SLC5A11: variants seen among roughly 807,000 people sequenced by gnomAD.
SLC5A11 encodes solute carrier family 5 member 11.
A neutral mutation model predicts 69.8 loss-of-function variants in SLC5A11; 48 were observed. The ratio of observed to expected loss-of-function variants is 0.69; its 90% CI spans 0.55 to 0.87. The LOEUF is 0.87. Among genes scored for constraint, SLC5A11 ranks in the 40% least tolerant of loss-of-function variants. The pLI is 0.00. For synonymous variants in SLC5A11, 319 were observed against 342.4 expected (o/e 0.93, Z 0.75); for missense variants, 784 against 866.1 (o/e 0.91, Z 1.19).
At chr16:24,858,724 G>T in exon 2 of SLC5A11, 1 of 1,611,896 alleles carries the variant, frequency 6.2e-7, no homozygotes, top group Non-Finnish European at 8.5e-7. Flanking sequence ...TGGAGCCTGG[G>T]GACATCGCGG....
chr16:24,858,859 T>C, intron 2 of SLC5A11, 81 bp downstream of exon 3: 1 of 1,484,830 alleles, frequency 6.7e-7, no homozygotes, highest in Non-Finnish European at 9.0e-7. Flanking sequence ...CTCATCCTTT[T>C]GGAGCTAAGA....
intron 1 of SLC5A11, among the ~76,000 whole-genome samples, chr16:24,847,765 CT>C (rs2059095162): frequency 6.6e-6 from 1 of 152,328 alleles, no homozygotes; most frequent in East Asian, 1.9e-4. Flanking sequence ...AATGCTGTCC[CT>C]TTTTTGGGCG....
chr16:24,871,833 G>C (rs1398917372), intron 4 of SLC5A11, among the ~76,000 whole-genome samples: 1 of 152,094 alleles, frequency 6.6e-6, no homozygotes, highest in Non-Finnish European at 1.5e-5. Flanking sequence ...TTTGAACCCA[G>C]ATCTGCCTGC....
chr16:24,852,449 C>T (rs1429472860), intron 1 of SLC5A11, among the ~76,000 whole-genome samples: 2 of 152,152 alleles, frequency 1.3e-5, no homozygotes, highest in South Asian at 2.1e-4. Flanking sequence ...GGCCAATAGG[C>T]GACCTCAAGG....
At chr16:24,852,238 G>A (rs1050674980) in intron 1 of SLC5A11, among the ~76,000 whole-genome samples, 1 of 152,114 alleles carries the variant, frequency 6.6e-6, no homozygotes, top group African/African-American at 2.4e-5. Context: ...ATGAAATGCG[G>A]CAAATACAAT....
At chr16:24,891,114 G>T (rs758518905) in intron 9 of SLC5A11, 40 bp downstream of exon 10, 2 of 1,592,308 alleles carry the variant, frequency 1.3e-6, no homozygotes, top group Non-Finnish European at 1.7e-6. Flanking sequence ...CCTTCTCTTT[G>T]CTTCTTTCCT....
intron 14 of SLC5A11, among the ~76,000 whole-genome samples, chr16:24,909,697 C>T (rs1285187957): frequency 2.7e-5 from 4 of 146,408 alleles, no homozygotes; most frequent in Admixed American, 1.4e-4. Context: ...GGCGTGATGG[C>T]TCATGCCTGT....
chr16:24,875,711 T>G, exon 6 of SLC5A11: 3 of 1,613,764 alleles, frequency 1.9e-6, no homozygotes, highest in Non-Finnish European at 2.5e-6. Flanking sequence ...CCTATTTATC[T>G]ACATCTTCAC....
intron 9 of SLC5A11, among the ~76,000 whole-genome samples, chr16:24,895,494 A>G (rs1218915207): frequency 6.6e-6 from 1 of 151,516 alleles, no homozygotes; most frequent in Non-Finnish European, 1.5e-5. Context: ...ATCTCAAAAA[A>G]GAAAGGAAAA....
intron 8 of SLC5A11, among the ~76,000 whole-genome samples, chr16:24,888,477 T>TC (rs1453626391): frequency 2.1e-4 from 30 of 141,356 alleles, no homozygotes; most frequent in Admixed American, 6.8e-4. Context: ...AGTATCTATT[T>TC]CTTTTTTTTT....
intron 8 of SLC5A11, 47 bp from the exon 10 acceptor site, chr16:24,890,822 A>AT: frequency 6.3e-7 from 1 of 1,588,168 alleles, no homozygotes; most frequent in Non-Finnish European, 8.6e-7. Context: ...ATCACTTGCC[A>AT]TGGACCAATC....
chr16:24,872,689 T>A (rs1047394744), intron 5 of SLC5A11, among the ~76,000 whole-genome samples: 13 of 149,282 alleles, frequency 8.7e-5, no homozygotes, highest in African/African-American at 2.7e-4. Context: ...ATTTTTGCAT[T>A]TTTTTTTTAG....
At chr16:24,851,730 T>G (rs1025136960) in intron 1 of SLC5A11, among the ~76,000 whole-genome samples, 1 of 152,326 alleles carries the variant, frequency 6.6e-6, no homozygotes, top group South Asian at 2.1e-4. Context: ...CTGTGACGTA[T>G]GTCTAATTAT....
chr16:24,882,856 G>T (rs2048133794), intron 7 of SLC5A11, among the ~76,000 whole-genome samples: 1 of 152,100 alleles, frequency 6.6e-6, no homozygotes, highest in Non-Finnish European at 1.5e-5. Flanking sequence ...ATGTTGGCCA[G>T]GCTGGTCTTG....
intron 10 of SLC5A11, among the ~76,000 whole-genome samples, chr16:24,904,039 G>A (rs2152410295): frequency 6.6e-6 from 1 of 152,308 alleles, no homozygotes; most frequent in Admixed American, 6.5e-5. Context: ...CATGGTGGCA[G>A]GAGAGAGAAG....
chr16:24,878,155 A>T (rs1358282296), intron 7 of SLC5A11, among the ~76,000 whole-genome samples: 3 of 152,276 alleles, frequency 2.0e-5, no homozygotes, highest in African/African-American at 7.2e-5. Context: ...ACTCCGTCTC[A>T]GAATAAAAAA....
At chr16:24,852,726 G>A (rs1379553304) in intron 1 of SLC5A11, among the ~76,000 whole-genome samples, 3 of 152,170 alleles carry the variant, frequency 2.0e-5, no homozygotes, top group Admixed American at 6.5e-5. Flanking sequence ...CCAAGTCTAC[G>A]CTTCTCATTG....
intron 1 of SLC5A11, among the ~76,000 whole-genome samples, chr16:24,855,375 A>T (rs274116): frequency 6.7e-6 from 1 of 149,004 alleles, no homozygotes; most frequent in African/African-American, 2.5e-5. Context: ...GCGGAGTTGG[A>T]GGAATTGCTT....
At chr16:24,907,212 G>C (rs752900714) in intron 12 of SLC5A11, 37 bp downstream of exon 13, 1 of 1,609,542 alleles carries the variant, frequency 6.2e-7, no homozygotes, top group South Asian at 1.1e-5. Context: ...GCAGGGGGAA[G>C]AGAGAGCTGA....
Sources: allele counts gnomAD v4.1 joint callset (sites outside exome capture counted in the v4.1 genomes callset), GRCh38; gene constraint gnomAD v4.1.1; transcripts MANE v1.5; gene names NCBI Gene and HGNC (gene_info 2026-07-23, HGNC 2026-07-21).